Variants in RPTOR observed in about 807,000 individuals in gnomAD.
The protein encoded by RPTOR is regulatory-associated protein of mTOR.
A neutral mutation model predicts 169.9 loss-of-function variants in RPTOR; 21 were observed. The ratio of observed to expected loss-of-function variants is 0.12; its 90% confidence interval spans 0.09 to 0.18. RPTOR has a LOEUF of 0.18. Among genes scored for constraint, RPTOR ranks in the 10% least tolerant of loss-of-function variants. The probability of loss-of-function intolerance (pLI) is 1.00; values close to 1 mark genes in which losing one functional copy is unlikely to be tolerated. For missense variants in RPTOR, 1,133 were observed against 1,855.9 expected, an observed-to-expected ratio of 0.61 and a Z score of 7.16; for synonymous variants, 732 against 753.2, an observed-to-expected ratio of 0.97 and a Z score of 0.46.
chr17:80,904,915 A>C (rs1294570260), intron 20 of RPTOR, among the ~76,000 whole-genome samples: 3 of 152,230 alleles, frequency 2.0e-5, no homozygotes, highest in Non-Finnish European at 2.9e-5. Context: ...GGCAAAAATT[A>C]GATTTTTTTT....
intron 10 of RPTOR, among the ~76,000 whole-genome samples, chr17:80,839,418 A>G (rs1234203452): frequency 6.6e-6 from 1 of 152,138 alleles, no homozygotes; most frequent in Non-Finnish European, 1.5e-5. Flanking sequence ...CTTCTACCCC[A>G]TCTTTGTATT....
intron 20 of RPTOR, among the ~76,000 whole-genome samples, chr17:80,907,565 G>T (rs2068559144): frequency 6.6e-6 from 1 of 152,244 alleles, no homozygotes; most frequent in African/African-American, 2.4e-5. Flanking sequence ...GTTCGGCAAT[G>T]CCTGCTCCAT....
chr17:80,866,178 T>A (rs1388246384), intron 13 of RPTOR, among the ~76,000 whole-genome samples: 2 of 148,928 alleles, frequency 1.3e-5, no homozygotes, highest in East Asian at 3.9e-4. Flanking sequence ...AGTATGTATA[T>A]ATAATATATA....
chr17:80,682,121 CCAAA>C (rs570850220), intron 3 of RPTOR, among the ~76,000 whole-genome samples: 10 of 133,918 alleles, frequency 7.5e-5, no homozygotes, highest in South Asian at 5.7e-4. Flanking sequence ...CCCCCCCACC[CCAAA>C]CAAAGTCTCG....
At chr17:80,807,583 C>G (rs889684096) in intron 7 of RPTOR, among the ~76,000 whole-genome samples, 1 of 152,158 alleles carries the variant, frequency 6.6e-6, no homozygotes, top group South Asian at 2.1e-4. Context: ...AACTCCTGAC[C>G]TCAGGTGATC....
intron 6 of RPTOR, among the ~76,000 whole-genome samples, chr17:80,786,997 C>A (rs550361411): frequency 6.0e-4 from 91 of 152,266 alleles, no homozygotes; most frequent in Non-Finnish European, 1.1e-3. Flanking sequence ...AAACCACCAC[C>A]CAACCAAAAC....
intron 21 of RPTOR, among the ~76,000 whole-genome samples, chr17:80,921,023 G>A (rs776851355): frequency 3.7e-4 from 56 of 152,200 alleles, no homozygotes; most frequent in Non-Finnish European, 7.3e-5. Context: ...ACAAGTTATG[G>A]TTCCATTTTC....
chr17:80,551,728 C>A (rs1169598730), intron 1 of RPTOR, among the ~76,000 whole-genome samples: 1 of 152,028 alleles, frequency 6.6e-6, no homozygotes, highest in Admixed American at 6.6e-5. Flanking sequence ...CCTTCCTCTT[C>A]TACTAATCCT....
chr17:80,896,152 G>A (rs2068396034), intron 20 of RPTOR, among the ~76,000 whole-genome samples: 1 of 151,668 alleles, frequency 6.6e-6, no homozygotes, highest in African/African-American at 2.4e-5. Flanking sequence ...CATGTCTTAA[G>A]TATATCCTGA....
At chr17:80,607,397 G>A (rs551921555) in intron 1 of RPTOR, among the ~76,000 whole-genome samples, 4 of 152,128 alleles carry the variant, frequency 2.6e-5, no homozygotes, top group South Asian at 2.1e-4. Flanking sequence ...TGTATCAATC[G>A]TTTTCAGAGT....
intron 25 of RPTOR, among the ~76,000 whole-genome samples, chr17:80,945,243 T>G (rs895158811): frequency 6.6e-6 from 1 of 151,846 alleles, no homozygotes; most frequent in African/African-American, 2.4e-5. Context: ...CAGTGAGCCA[T>G]GATCACACCA....
intron 20 of RPTOR, among the ~76,000 whole-genome samples, chr17:80,903,104 G>A (rs1214608017): frequency 1.3e-5 from 2 of 152,226 alleles, no homozygotes; most frequent in African/African-American, 4.8e-5. Context: ...ATCCAGGATG[G>A]ACTAATGCAA....
chr17:80,685,634 T>TATTA (rs1249045412), intron 3 of RPTOR, among the ~76,000 whole-genome samples: 1 of 56,092 alleles, frequency 1.8e-5, no homozygotes, highest in East Asian at 4.9e-4. Context: ...TATATTTTTT[T>TATTA]TTTTTTTTTT....
At chr17:80,549,855 G>T (rs1042608428) in intron 1 of RPTOR, among the ~76,000 whole-genome samples, 2 of 152,222 alleles carry the variant, frequency 1.3e-5, no homozygotes, top group Non-Finnish European at 2.9e-5. Flanking sequence ...CACATGTGTG[G>T]TGTCATTGTC....
At chr17:80,875,674 C>T (rs9906776) in intron 13 of RPTOR, among the ~76,000 whole-genome samples, 4,301 of 151,794 alleles carry the variant, frequency 0.028, 186 homozygotes, top group African/African-American at 0.091. Flanking sequence ...GGTCTTCCAC[C>T]AAGCCCCTCC....
chr17:80,630,755 T>A (rs2065435911), intron 2 of RPTOR, among the ~76,000 whole-genome samples: 1 of 152,222 alleles, frequency 6.6e-6, no homozygotes, highest in Non-Finnish European at 1.5e-5. Context: ...TTAGGGTGGG[T>A]ACAGGCAGGC....
Position 80,545,437 on chromosome 17 carries a change from C to A in RPTOR, c.-193C>A. The A allele has an allele frequency of 2.1e-6, 1 of 472,826 alleles. No homozygotes were observed. The highest frequency in any genetic ancestry group is 3.7e-6 in the Non-Finnish European group (1 of 267,142). 29.3% of individuals were successfully genotyped at this position (472,826 alleles called of 1,614,324 possible). On this transcript the variant is annotated 5_prime_UTR_variant, in exon 1 of 34. Coordinates refer to ENST00000306801, the MANE Select transcript of RPTOR (RefSeq NM_020761.3). ...CATTTCCTAGCGGCCCCCACCTCCC[C>A]ACTTCCCGCTCAGAGTTAGAGATAA... is the stretch of plus-strand genomic sequence containing the variant.
chr17:80,609,772 GTT>G lies in RPTOR; in HGVS notation c.163-15918_163-15917del, dbSNP rs1491171286. Among the ~76,000 whole-genome samples the G allele has an allele frequency of 8.0e-6, 1 of 125,512 alleles. No homozygotes were observed. Among genetic ancestry groups the G allele is most frequent in the African/African-American group, 3.2e-5 (1 of 30,788 alleles). The allele number at this position is 125,512 out of a possible 152,430, so 82.3% of individuals were successfully genotyped here. A position where few individuals can be genotyped will look rare whatever the true frequency, so the allele number is the denominator to read the frequency against. On this transcript the variant is annotated intron_variant, in intron 1 of 33. Coordinates refer to ENST00000306801, the MANE Select transcript of RPTOR (RefSeq NM_020761.3). The surrounding 1 kb of genome is among the most constrained non-coding windows in gnomAD (Gnocchi z 4.8). ...AAAAAAAAAAAAGTTTAAGGTGTTGGTTGTGTGTGTGTGTGTGTGTGTGTGTG... is the reference window on the plus strand; with the variant it reads ...AAAAAAAAAAAAGTTTAAGGTGTTGGGTGTGTGTGTGTGTGTGTGTGTGTG...
Position 80,545,745 on chromosome 17 carries a change from T to C in RPTOR, c.116T>C (p.Ile39Thr). The stretch of plus-strand genomic sequence containing the variant: ...ATGAAAAAGAGGCACTGTGAGAAAA[T>C]TGAAGGCTCCAAATCCTTAGCTCAG... ...AFMKKRHCEK[I>T]EGSKSLAQSW... The change falls in exon 1 of 34, where the codon ATT becomes ACT. Residue 39 changes from isoleucine to threonine, a missense_variant. Physicochemically the swap from Ile to Thr is moderately conservative, Grantham distance 89. Transcript: ENST00000306801. 6.2e-7 allele frequency: 1 copy of C among 1,613,654 alleles called. No homozygotes were observed. The highest frequency in any genetic ancestry group is 8.5e-7 in the Non-Finnish European group (1 of 1,179,826).
Sources: gnomAD v4.1 joint callset for allele counts (sites outside exome capture counted in the v4.1 genomes callset) on GRCh38, gnomAD v4.1.1 for gene constraint, Gnocchi (gnomAD v3.1) non-coding constraint, MANE v1.5 for transcripts, NCBI Gene and HGNC (gene_info 2026-07-23, HGNC 2026-07-21) for gene names.